GTF2A1: variants seen among roughly 807,000 people sequenced by gnomAD.
GTF2A1 encodes general transcription factor IIA subunit 1.
A neutral mutation model predicts 54.1 loss-of-function variants in GTF2A1; 12 were observed. The observed-to-expected ratio is 0.22, with a 90% CI of 0.14 to 0.36. GTF2A1 has a LOEUF of 0.36. Ranked by LOEUF, GTF2A1 falls within the 10% of genes least tolerant of loss-of-function variation. The probability of loss-of-function intolerance (pLI) is 1.00; values close to 1 mark genes in which losing one functional copy is unlikely to be tolerated. For synonymous variants in GTF2A1, 145 were observed against 152.0 expected, an observed-to-expected ratio of 0.95 and a Z score of 0.34; for missense variants, 335 against 442.2, an observed-to-expected ratio of 0.76 and a Z score of 2.17.
At chr14:81,200,563 G>A (rs1893082785) in intron 4 of GTF2A1, among the ~76,000 whole-genome samples, 1 of 150,650 alleles carries the variant, frequency 6.6e-6, no homozygotes, top group Admixed American at 6.6e-5. Context: ...GGAGGCGGAG[G>A]TTGCAGTTAG....
intron 2 of GTF2A1, among the ~76,000 whole-genome samples, chr14:81,206,375 A>C (rs1460606969): frequency 6.6e-6 from 1 of 152,132 alleles, no homozygotes; most frequent in Non-Finnish European, 1.5e-5. Flanking sequence ...TAATGTAGTG[A>C]CTCAACTCTT....
chr14:81,214,563 A>G (rs573321357), intron 2 of GTF2A1, among the ~76,000 whole-genome samples: 13 of 151,788 alleles, frequency 8.6e-5, no homozygotes, highest in South Asian at 4.2e-4. Flanking sequence ...GGAGAATGGC[A>G]TGAACCAGGG....
intron 7 of GTF2A1, among the ~76,000 whole-genome samples, chr14:81,191,683 T>C (rs1164685925): frequency 6.6e-6 from 1 of 152,204 alleles, no homozygotes; most frequent in Non-Finnish European, 1.5e-5. Flanking sequence ...GGTACTTTGA[T>C]GGCCTAGGAA....
At chr14:81,202,102 C>T (rs1028536674) in intron 3 of GTF2A1, among the ~76,000 whole-genome samples, 1 of 151,046 alleles carries the variant, frequency 6.6e-6, no homozygotes, top group Non-Finnish European at 1.5e-5. Flanking sequence ...TGCACTCTAA[C>T]ATGGGTGACA....
chr14:81,179,290 T>G lies in GTF2A1; in HGVS notation c.*933A>C, dbSNP rs1566848835. 2.0e-5 allele frequency: 3 copies of G among 152,240 alleles called. No individual in the cohort carries two copies. Among genetic ancestry groups the G allele is most frequent in the Admixed American group, 1.3e-4 (2 of 15,290 alleles). 9.4% of individuals were successfully genotyped at this position (152,240 alleles called of 1,614,324 possible). On this transcript the variant is annotated 3_prime_UTR_variant, in exon 9 of 9. Coordinates refer to ENST00000553612, the MANE Select transcript of GTF2A1 (RefSeq NM_015859.4). The stretch of plus-strand genomic sequence containing the variant: ...ATCAATGCACAGACTGTTAACTGAA[T>G]GTTTAGCTTAAAAACTAAACACATT...
chr14:81,204,348 GAACTTT>G, intron 2 of GTF2A1: 1 of 621,890 alleles, frequency 1.6e-6, no homozygotes. Context: ...ATCTTCCAAT[GAACTTT>G]CTATAGTAAT....
chr14:81,190,266 T>C (rs1180151566), intron 7 of GTF2A1, among the ~76,000 whole-genome samples: 2 of 151,272 alleles, frequency 1.3e-5, no homozygotes, highest in Non-Finnish European at 2.9e-5. Flanking sequence ...AATACAATCT[T>C]TGAAAAAAAA....
chr14:81,187,386 T>C (rs2140149574), intron 7 of GTF2A1, among the ~76,000 whole-genome samples: 1 of 151,744 alleles, frequency 6.6e-6, no homozygotes, highest in South Asian at 2.1e-4. Flanking sequence ...TGAGGTAAAA[T>C]TCAAGTTAAC....
At chr14:81,218,636 A>C (rs955383722) in intron 1 of GTF2A1, among the ~76,000 whole-genome samples, 15 of 152,146 alleles carry the variant, frequency 9.9e-5, no homozygotes, top group Non-Finnish European at 2.1e-4. Context: ...TTTCAAACTT[A>C]AGAACTGGTA....
At position 81,220,835 on chromosome 14, in the gene GTF2A1, C is replaced by A. The variant is rs1415333982; in HGVS notation, c.-317G>T. The A allele has an allele frequency of 3.3e-6, 1 of 302,592 alleles. No individual in the cohort carries two copies. The highest frequency in any genetic ancestry group is 5.3e-5 in the East Asian group (1 of 18,886). 18.7% of individuals were successfully genotyped at this position (302,592 alleles called of 1,614,324 possible). On this transcript the variant is annotated 5_prime_UTR_variant, in exon 1 of 9. Coordinates refer to ENST00000553612, the MANE Select transcript of GTF2A1 (RefSeq NM_015859.4). ...GGGAAACCACCACCGGTCACCGCTC[C>A]CTGCGCCGCCGCTGCCGCCACCGGC...
In GTF2A1 at chr14:81,192,473, G is replaced by C. The variant is rs367686586; in HGVS notation, c.933+46C>G. The C allele has an allele frequency of 1.9e-5, 27 of 1,414,630 alleles. No individual in the cohort carries two copies. In the East Asian group the frequency reaches 5.0e-4, roughly 26 times the overall value. 87.6% of individuals were successfully genotyped at this position (1,414,630 alleles called of 1,614,324 possible). A position where few individuals can be genotyped will look rare whatever the true frequency, so the allele number is the denominator to read the frequency against. Reference sequence around the variant, plus strand: ...TATCAGTGTTGTACCAACTAAAAAAGGAAATAATCAAGTAGATTATTTTAA... The same window carrying C: ...TATCAGTGTTGTACCAACTAAAAAACGAAATAATCAAGTAGATTATTTTAA... On this transcript the variant is annotated intron_variant, in intron 7 of 8. Transcript: ENST00000553612.
At chr14:81,217,339 T>C (rs1893509081) in intron 1 of GTF2A1, among the ~76,000 whole-genome samples, 1 of 152,210 alleles carries the variant, frequency 6.6e-6, no homozygotes, top group Non-Finnish European at 1.5e-5. Flanking sequence ...ATAGAACAAT[T>C]AGCCCAATCC....
chr14:81,215,607 A>C (rs1410174452), intron 2 of GTF2A1, among the ~76,000 whole-genome samples: 1 of 152,234 alleles, frequency 6.6e-6, no homozygotes, highest in Admixed American at 6.5e-5. Context: ...ACCAGCTCTC[A>C]ATGTAAAATA....
intron 8 of GTF2A1, among the ~76,000 whole-genome samples, chr14:81,182,762 G>C (rs1242928322): frequency 6.6e-6 from 1 of 152,098 alleles, no homozygotes; most frequent in Non-Finnish European, 1.5e-5. Flanking sequence ...TTAAGAGTAA[G>C]AGCCATGTCC....
At chr14:81,203,859 T>A (rs563562165) in intron 3 of GTF2A1, 41 bp downstream of exon 3, 1 of 1,500,658 alleles carries the variant, frequency 6.7e-7, no homozygotes, top group African/African-American at 1.4e-5. Context: ...ATGACAAACT[T>A]AATTTCCAAG....
intron 3 of GTF2A1, 29 bp downstream of exon 3, chr14:81,203,871 C>T (rs1435609164): frequency 6.4e-7 from 1 of 1,550,752 alleles, no homozygotes; most frequent in African/African-American, 1.4e-5. Context: ...ATTTCCAAGT[C>T]ATAAGTAGGA....
chr14:81,200,955 T>C (rs982167692), intron 4 of GTF2A1, among the ~76,000 whole-genome samples: 1 of 151,906 alleles, frequency 6.6e-6, no homozygotes, highest in Non-Finnish European at 1.5e-5. Flanking sequence ...CTGAAGAGGT[T>C]CTTTCAAGTT....
chr14:81,185,725 CAT>C (rs1333139107), intron 7 of GTF2A1, 105 bp from the exon 8 acceptor site: 1 of 567,172 alleles, frequency 1.8e-6, no homozygotes, highest in East Asian at 2.9e-5. Flanking sequence ...ATGCCAAATG[CAT>C]ATATGTACGC....
intron 6 of GTF2A1, among the ~76,000 whole-genome samples, chr14:81,195,227 C>G (rs907239756): frequency 6.6e-6 from 1 of 150,420 alleles, no homozygotes; most frequent in Non-Finnish European, 1.5e-5. Flanking sequence ...GACAATGCAG[C>G]ATTTTAGTGA....
Sources: gnomAD v4.1 joint callset for allele counts (sites outside exome capture counted in the v4.1 genomes callset) on GRCh38, gnomAD v4.1.1 for gene constraint, MANE v1.5 for transcripts, NCBI Gene and HGNC (gene_info 2026-07-23, HGNC 2026-07-21) for gene names.